Variants in GORASP2 observed in about 807,000 individuals in gnomAD.
The protein encoded by GORASP2 is Golgi reassembly-stacking protein 2.
In GORASP2, 22 loss-of-function variants were observed where a neutral mutation model predicts 45.7. That is an observed-to-expected ratio of 0.48 (90% CI 0.34 to 0.69). The LOEUF (loss-of-function observed/expected upper bound fraction) is 0.69, where lower values mean the gene tolerates loss of function less well. Among genes scored for constraint, GORASP2 ranks in the 30% least tolerant of loss-of-function variants. The pLI, the probability that GORASP2 is intolerant of heterozygous loss-of-function variation, is 0.01. For synonymous variants in GORASP2, 221 were observed against 215.6 expected (o/e 1.02, Z -0.22); for missense variants, 491 against 562.7 (o/e 0.87, Z 1.29).
chr2:170,967,035 A>G lies in GORASP2; in HGVS notation c.*905A>G, dbSNP rs1047282283. On this transcript the variant is annotated 3_prime_UTR_variant, in exon 10 of 10. Transcript: ENST00000234160. ...ACGCATCTTTAACTTTTCACGTCCT[A>G]TGTTTGCTTTCTCCCATTTTTAAGA... is the stretch of plus-strand genomic sequence containing the variant. 2.0e-5 allele frequency: 3 copies of G among 152,104 alleles called. No individual in the cohort carries two copies. The highest frequency in any genetic ancestry group is 7.2e-5 in the African/African-American group (3 of 41,408). 9.4% of individuals were successfully genotyped at this position (152,104 alleles called of 1,614,324 possible).
At chr2:170,953,228 C>T (rs955280975) in intron 5 of GORASP2, among the ~76,000 whole-genome samples, 2 of 151,938 alleles carry the variant, frequency 1.3e-5, no homozygotes, top group African/African-American at 4.8e-5. Flanking sequence ...TGGTGGCATG[C>T]ACCTATAGTC....
At chr2:170,931,501 A>G (rs1209087745) in intron 1 of GORASP2, among the ~76,000 whole-genome samples, 1 of 152,218 alleles carries the variant, frequency 6.6e-6, no homozygotes, top group African/African-American at 2.4e-5. Context: ...AATTTTGAAT[A>G]AAATCACCCA....
At chr2:170,954,571 C>T (rs1052340291) in intron 5 of GORASP2, 79 bp from the exon 6 acceptor site, 11 of 1,212,784 alleles carry the variant, frequency 9.1e-6, no homozygotes, top group Non-Finnish European at 1.1e-5. Flanking sequence ...CTTGGGTTAC[C>T]CGCCCCCCCC....
chr2:170,933,229 C>G (rs1359531799), intron 1 of GORASP2, among the ~76,000 whole-genome samples: 1 of 152,070 alleles, frequency 6.6e-6, no homozygotes, highest in Non-Finnish European at 1.5e-5. Context: ...TATAGTGGGT[C>G]AGATTTGTGC....
At chr2:170,936,624 C>G (rs1379846504) in intron 1 of GORASP2, 3 of 1,298,558 alleles carry the variant, frequency 2.3e-6, no homozygotes, top group African/African-American at 3.0e-5. Context: ...CTCTTTTAAG[C>G]ATCAATGAGA....
In GORASP2 at chr2:170,949,554, A is replaced by T. The variant is rs765621568; in HGVS notation, c.160A>T (p.Thr54Ser). ...NGSRLNKDND[T>S]LKDLLKANVE... ...GTGTTCACAGAATAAAGACAATGAC[A>T]CTCTTAAGGATCTGCTGAAAGCAAA... is the stretch of plus-strand genomic sequence containing the variant. The change falls in exon 3 of 10, where the codon ACT (threonine) becomes TCT (serine). Residue 54 changes from threonine to serine, a missense_variant. By Grantham distance (58) the Thr-to-Ser change is moderately conservative. Transcript: ENST00000234160. 12 of 1,613,100 alleles carry T rather than the reference A, an allele frequency of 7.4e-6. No homozygotes were observed. Among genetic ancestry groups the T allele is most frequent in the Non-Finnish European group, 9.3e-6 (11 of 1,179,184 alleles).
chr2:170,943,169 A>G (rs1369100724), intron 1 of GORASP2, among the ~76,000 whole-genome samples: 2 of 152,182 alleles, frequency 1.3e-5, no homozygotes, highest in Admixed American at 1.3e-4. Context: ...GTTTTTCTCT[A>G]CAGCGTTTAT....
rs753798567 is a variant in GORASP2, at chr2:170,965,832, G to A, written c.1061G>A (p.Gly354Asp). ...TCCATGCCTCCCCGAAACTTACCTG[G>A]CATTGCACCTCTCCCCCTGCCATCC... ...LPSMPPRNLPGIAPLPLPSEF... is the reference protein window; with the variant it reads ...LPSMPPRNLPDIAPLPLPSEF... The change falls in exon 10 of 10, where the codon GGC becomes GAC. Residue 354 changes from glycine (G) to aspartate (D), a missense_variant. Gly to Asp is a moderately conservative substitution (Grantham distance 94). Around this residue, in one of 2 missense-constraint regions of GORASP2, gnomAD observed 297 missense variants for 292.3 expected, o/e 1.02. Coordinates refer to ENST00000234160, the MANE Select transcript of GORASP2 (RefSeq NM_015530.5). The A allele has an allele frequency of 1.6e-5, 26 of 1,613,798 alleles. No individual in the cohort carries two copies. The highest frequency in any genetic ancestry group is 2.2e-5 in the Non-Finnish European group (26 of 1,180,014).
chr2:170,942,744 T>C (rs377574733), intron 1 of GORASP2, among the ~76,000 whole-genome samples: 36 of 152,350 alleles, frequency 2.4e-4, no homozygotes, highest in African/African-American at 8.2e-4. Context: ...TGCTGGATCA[T>C]GTGATAACTT....
intron 7 of GORASP2, among the ~76,000 whole-genome samples, chr2:170,957,153 C>G (rs1410245186): frequency 6.6e-6 from 1 of 152,200 alleles, no homozygotes; most frequent in African/African-American, 2.4e-5. Context: ...TTCTGTTTAA[C>G]TGCTCTGGTT....
intron 3 of GORASP2, 106 bp from the exon 4 acceptor site, chr2:170,950,098 G>A (rs1575474954): frequency 1.6e-6 from 1 of 629,770 alleles, no homozygotes; most frequent in East Asian, 3.0e-5. Context: ...TAGCAAGACA[G>A]AAGTATACAG....
In GORASP2 at chr2:170,949,674, G is replaced by T. The variant is rs149638420; in HGVS notation, c.280G>T (p.Gly94Cys). The change falls in exon 3 of 10, where the codon GGC becomes TGC. Residue 94 changes from glycine to cysteine, a missense_variant. Coordinates refer to ENST00000234160, the MANE Select transcript of GORASP2 (RefSeq NM_015530.5). ...VTPSNLWGGQ[G>C]LLGVSIRFCS... ...ACCAAGTAACCTGTGGGGCGGCCAG[G>T]GCTTATTGGGAGTGAGCATTCGTTT... is the stretch of plus-strand genomic sequence containing the variant. 3.7e-6 allele frequency: 6 copies of T among 1,614,016 alleles called. No homozygotes were observed.
At chr2:170,955,986 G>T (rs956219796) in intron 6 of GORASP2, among the ~76,000 whole-genome samples, 1 of 152,348 alleles carries the variant, frequency 6.6e-6, no homozygotes, top group South Asian at 2.1e-4. Flanking sequence ...CACTCATGAG[G>T]TTGGAAATCT....
chr2:170,957,528 G>A lies in GORASP2; in HGVS notation c.823+969G>A, dbSNP rs529877578. On this transcript the variant is annotated intron_variant, in intron 7 of 9. Transcript: ENST00000234160. ...TGACCTCAGGTGATCTGCCCTCCTC[G>A]GCCTTCCAAAGTGCTGGGATTATAG... is the stretch of plus-strand genomic sequence containing the variant. Among the ~76,000 whole-genome samples the A allele has an allele frequency of 1.1e-4, 16 of 152,202 alleles. No individual in the cohort carries two copies. The South Asian group carries it at 2.7e-3, about 26-fold the overall frequency.
chr2:170,932,535 C>A (rs1036091402), intron 1 of GORASP2, among the ~76,000 whole-genome samples: 1 of 152,142 alleles, frequency 6.6e-6, no homozygotes, highest in Admixed American at 6.5e-5. Context: ...ATCCTTTTCC[C>A]AGATTACTGT....
At chr2:170,939,429 CA>C (rs58288351) in intron 1 of GORASP2, among the ~76,000 whole-genome samples, 5,737 of 152,202 alleles carry the variant, frequency 0.038, 436 homozygotes, top group East Asian at 0.3. Flanking sequence ...GAAACTTACC[CA>C]TTTGCAGACA....
chr2:170,956,033 T>G (rs1378837222), intron 6 of GORASP2, among the ~76,000 whole-genome samples: 1 of 152,260 alleles, frequency 6.6e-6, no homozygotes, highest in Non-Finnish European at 1.5e-5. Flanking sequence ...TCCAGCTGAT[T>G]TCTTTCCTGA....
rs541954408 is a variant in GORASP2, at chr2:170,951,111, T to A, written c.436-217T>A. Among the ~76,000 whole-genome samples, 3 of 152,316 alleles carry A rather than the reference T, an allele frequency of 2.0e-5. No individual in the cohort carries two copies. In the East Asian group the frequency reaches 5.8e-4, roughly 29 times the overall value. On this transcript the variant is annotated intron_variant, in intron 4 of 9. Coordinates refer to ENST00000234160, the MANE Select transcript of GORASP2 (RefSeq NM_015530.5). ...AATTGTACTAAGAGTGCCAACTAGA[T>A]CTTAAGGAACTGGCCATAAAGCCTT...
intron 1 of GORASP2, among the ~76,000 whole-genome samples, chr2:170,941,375 G>T (rs915875744): frequency 1.3e-5 from 2 of 152,120 alleles, no homozygotes; most frequent in African/African-American, 4.8e-5. Flanking sequence ...AAAGGCATTG[G>T]AAAAAGTGTA....
Sources: gnomAD v4.1 joint callset for allele counts (sites outside exome capture counted in the v4.1 genomes callset) on GRCh38, gnomAD v4.1.1 for gene constraint, gnomAD v4.1.1 regional missense constraint, MANE v1.5 for transcripts, NCBI Gene and HGNC (gene_info 2026-07-23, HGNC 2026-07-21) for gene names.